Variants in FAF1 observed in about 807,000 individuals in gnomAD.
FAF1 encodes FAS-associated factor 1.
Under a neutral mutation model 92.5 loss-of-function variants are expected in FAF1, and 25 were observed. The ratio of observed to expected loss-of-function variants is 0.27; its 90% confidence interval spans 0.20 to 0.38. The LOEUF (loss-of-function observed/expected upper bound fraction) is 0.38. FAF1 is among the 10% of genes least tolerant of loss of function. The pLI is 1.00. For synonymous variants in FAF1, 234 were observed against 273.2 expected (o/e 0.86, Z 1.42); for missense variants, 636 against 793.3 (o/e 0.80, Z 2.38).
intron 2 of FAF1, among the ~76,000 whole-genome samples, chr1:50,817,546 G>C (rs192440221): frequency 7.9e-5 from 12 of 152,318 alleles, no homozygotes; most frequent in Admixed American, 7.2e-4. Context: ...AAGATGAAAA[G>C]AGTTAGATGG....
chr1:50,602,244 A>AT (rs1033546025), intron 8 of FAF1, among the ~76,000 whole-genome samples: 4 of 152,182 alleles, frequency 2.6e-5, no homozygotes, highest in Non-Finnish European at 5.9e-5. Context: ...AATATGAGAC[A>AT]TTTTTTAAAA....
At chr1:50,522,985 T>C (rs1647583121) in intron 15 of FAF1, among the ~76,000 whole-genome samples, 1 of 152,208 alleles carries the variant, frequency 6.6e-6, no homozygotes, top group Non-Finnish European at 1.5e-5. Flanking sequence ...GCCTATTTGA[T>C]TGTTTTCAAA....
chr1:50,490,442 A>G (rs1646820337), intron 17 of FAF1, 146 bp downstream of exon 17: 4 of 504,020 alleles, frequency 7.9e-6, no homozygotes, highest in South Asian at 4.1e-5. Flanking sequence ...GAAGGAAGGA[A>G]GGAAGGAAGG....
chr1:50,725,066 G>T (rs1271355330), intron 6 of FAF1, among the ~76,000 whole-genome samples: 1 of 152,154 alleles, frequency 6.6e-6, no homozygotes, highest in Non-Finnish European at 1.5e-5. Flanking sequence ...CACCATTTAG[G>T]ACTCAGGTCT....
intron 1 of FAF1, among the ~76,000 whole-genome samples, chr1:50,864,820 A>C (rs547083953): frequency 1.0e-3 from 156 of 152,290 alleles, no homozygotes; most frequent in Middle Eastern, 6.8e-3. Context: ...CAATGGCAAC[A>C]AAAGCCAAAA....
intron 15 of FAF1, among the ~76,000 whole-genome samples, chr1:50,517,286 C>T (rs1411284282): frequency 3.3e-5 from 5 of 151,992 alleles, no homozygotes; most frequent in Non-Finnish European, 7.4e-5. Context: ...TAAAATAACA[C>T]TAAAAGGAGA....
chr1:50,831,891 C>T (rs916686398), intron 2 of FAF1, among the ~76,000 whole-genome samples: 4 of 151,252 alleles, frequency 2.6e-5, no homozygotes, highest in African/African-American at 9.7e-5. Flanking sequence ...ACTCATATTA[C>T]CACCTGAGCT....
chr1:50,677,538 T>A (rs1256410133), intron 7 of FAF1, among the ~76,000 whole-genome samples: 1 of 152,214 alleles, frequency 6.6e-6, no homozygotes, highest in Non-Finnish European at 1.5e-5. Flanking sequence ...ATTGTTATAC[T>A]TCTGAATGTC....
At chr1:50,669,900 T>A in intron 7 of FAF1, among the ~76,000 whole-genome samples, 1 of 152,144 alleles carries the variant, frequency 6.6e-6, no homozygotes, top group East Asian at 1.9e-4. Flanking sequence ...GGCGGGCGGA[T>A]CACTTGAGGT....
chr1:50,521,036 T>C (rs188025207), intron 15 of FAF1, among the ~76,000 whole-genome samples: 19 of 152,338 alleles, frequency 1.2e-4, no homozygotes, highest in Admixed American at 1.0e-3. Context: ...TTTTTATATA[T>C]TAATTCATTA....
intron 15 of FAF1, among the ~76,000 whole-genome samples, chr1:50,524,907 A>T (rs1437758942): frequency 3.3e-5 from 5 of 150,670 alleles, no homozygotes. Context: ...TTTTTTTGAG[A>T]CAGAATCTTG....
intron 4 of FAF1, among the ~76,000 whole-genome samples, chr1:50,748,646 G>T (rs1473563321): frequency 6.6e-6 from 1 of 152,172 alleles, no homozygotes; most frequent in African/African-American, 2.4e-5. Flanking sequence ...AAATTAATCA[G>T]CTGATTTCTG....
At chr1:50,639,157 C>G (rs1416506499) in intron 8 of FAF1, among the ~76,000 whole-genome samples, 2 of 152,196 alleles carry the variant, frequency 1.3e-5, no homozygotes, top group African/African-American at 2.4e-5. Context: ...GAGTAGCATT[C>G]CATTGTATAG....
chr1:50,491,193 C>A (rs1177097018), intron 16 of FAF1, among the ~76,000 whole-genome samples: 1 of 152,230 alleles, frequency 6.6e-6, no homozygotes. Flanking sequence ...TCCACTGAAA[C>A]TCCTACTCAC....
chr1:50,645,234 T>C (rs1479180483), intron 8 of FAF1, among the ~76,000 whole-genome samples: 1 of 152,232 alleles, frequency 6.6e-6, no homozygotes, highest in African/African-American at 2.4e-5. Context: ...TGAATCTGTC[T>C]GCCCTAGGAC....
chr1:50,701,410 AC>A (rs1178083974), intron 7 of FAF1, among the ~76,000 whole-genome samples: 1 of 151,754 alleles, frequency 6.6e-6, no homozygotes, highest in Non-Finnish European at 1.5e-5. Context: ...ACCAAAAAAA[AC>A]ACCCAATACT....
chr1:50,892,846 C>T (rs1644730495), intron 1 of FAF1, among the ~76,000 whole-genome samples: 1 of 152,118 alleles, frequency 6.6e-6, no homozygotes, highest in African/African-American at 2.4e-5. Context: ...TTTCCAAGAT[C>T]TTTTGCCTAG....
intron 12 of FAF1, among the ~76,000 whole-genome samples, chr1:50,579,798 ATTTAAG>A (rs1650909126): frequency 6.6e-6 from 1 of 152,168 alleles, no homozygotes; most frequent in Non-Finnish European, 1.5e-5. Context: ...CTTAAAAGGT[ATTTAAG>A]ATATCTAATA....
intron 3 of FAF1, among the ~76,000 whole-genome samples, chr1:50,790,459 C>T (rs545578024): frequency 2.1e-4 from 32 of 152,238 alleles, no homozygotes; most frequent in Non-Finnish European, 4.1e-4. Context: ...TTTTTAATGG[C>T]TGTATCCTCT....
Sources: allele counts gnomAD v4.1 joint callset (sites outside exome capture counted in the v4.1 genomes callset), GRCh38; gene constraint gnomAD v4.1.1; transcripts MANE v1.5; gene names NCBI Gene and HGNC (gene_info 2026-07-23, HGNC 2026-07-21).